The following SORCS1 variants were observed in gnomAD, a reference collection of about 807,000 sequenced individuals.
SORCS1 encodes sortilin related VPS10 domain containing receptor 1, also known as VPS10 domain-containing receptor SorCS1.
In SORCS1, 60 loss-of-function variants were observed where a neutral mutation model predicts 146.1. That is an observed-to-expected ratio of 0.41 (90% confidence interval 0.33 to 0.51). The LOEUF is 0.51. Ranked by LOEUF, SORCS1 falls within the 20% of genes least tolerant of loss-of-function variation. The pLI, the probability that SORCS1 is intolerant of heterozygous loss-of-function variation, is 0.21. For missense variants in SORCS1, 1,352 were observed against 1,487.6 expected, an observed-to-expected ratio of 0.91 and a Z score of 1.50; for synonymous variants, 637 against 584.0, an observed-to-expected ratio of 1.09 and a Z score of -1.31.
At chr10:106,709,814 T>A (rs1854841297) in intron 6 of SORCS1, among the ~76,000 whole-genome samples, 1 of 152,156 alleles carries the variant, frequency 6.6e-6, no homozygotes, top group African/African-American at 2.4e-5. Flanking sequence ...TTGTTATTAT[T>A]ATTTAAATTA....
At chr10:106,724,940 G>C (rs1210574113) in intron 6 of SORCS1, among the ~76,000 whole-genome samples, 10 of 152,184 alleles carry the variant, frequency 6.6e-5, no homozygotes, top group African/African-American at 2.4e-4. Context: ...AGGAGTTTGA[G>C]ATCAGTCTGA....
intron 1 of SORCS1, among the ~76,000 whole-genome samples, chr10:106,965,552 T>C (rs1324818129): frequency 6.6e-6 from 1 of 152,354 alleles, no homozygotes; most frequent in Non-Finnish European, 1.5e-5. Context: ...ATGTCTACTC[T>C]GTGTGCCAGA....
intron 17 of SORCS1, 36 bp from the exon 18 acceptor site, chr10:106,652,589 A>T: frequency 6.3e-7 from 1 of 1,599,998 alleles, no homozygotes; most frequent in East Asian, 2.2e-5. Context: ...AAACCAGCTC[A>T]TTATAATGTG....
At chr10:107,105,807 GA>G (rs1965267687) in intron 1 of SORCS1, among the ~76,000 whole-genome samples, 1 of 152,066 alleles carries the variant, frequency 6.6e-6, no homozygotes. Context: ...ACACACCCAG[GA>G]ACAATACTTT....
chr10:106,884,222 G>C (rs566632014), intron 2 of SORCS1, among the ~76,000 whole-genome samples: 28 of 152,136 alleles, frequency 1.8e-4, no homozygotes, highest in African/African-American at 6.5e-4. Context: ...GAAAATTTAA[G>C]CATTAAATTC....
chr10:106,852,627 CAAAAAAAA>C (rs370300215), intron 2 of SORCS1, among the ~76,000 whole-genome samples: 1 of 85,022 alleles, frequency 1.2e-5, no homozygotes, highest in South Asian at 4.6e-4. Context: ...GACCCTGTCT[CAAAAAAAA>C]AAAAAAAAAA....
At chr10:106,756,932 T>TA (rs1858688479) in intron 5 of SORCS1, among the ~76,000 whole-genome samples, 2 of 152,208 alleles carry the variant, frequency 1.3e-5, no homozygotes, top group Admixed American at 1.3e-4. Context: ...GATTTCCTGC[T>TA]ATATAAACCC....
chr10:107,062,426 T>TTAATTA (rs757047221), intron 1 of SORCS1, among the ~76,000 whole-genome samples: 24 of 151,972 alleles, frequency 1.6e-4, no homozygotes, highest in Non-Finnish European at 2.6e-4. Context: ...TACAGTTACT[T>TTAATTA]TAATTATAAT....
intron 5 of SORCS1, among the ~76,000 whole-genome samples, chr10:106,748,714 G>A (rs1007703225): frequency 6.6e-6 from 1 of 152,240 alleles, no homozygotes. Context: ...GCACTTTGCT[G>A]TCTCTGCTCT....
chr10:106,829,114 G>T (rs1446935183), intron 3 of SORCS1, among the ~76,000 whole-genome samples: 1 of 152,214 alleles, frequency 6.6e-6, no homozygotes, highest in Admixed American at 6.5e-5. Context: ...TTTGTGTGCA[G>T]ACTGAACAAA....
intron 20 of SORCS1, 83 bp downstream of exon 20, chr10:106,620,345 A>G (rs191026176): frequency 2.8e-4 from 424 of 1,535,680 alleles, no homozygotes; most frequent in Non-Finnish European, 3.5e-4. Flanking sequence ...TCTAGGGTTC[A>G]TAAGCCATTT....
chr10:107,020,338 T>C (rs887866242), intron 1 of SORCS1, among the ~76,000 whole-genome samples: 3 of 152,206 alleles, frequency 2.0e-5, no homozygotes, highest in Non-Finnish European at 1.5e-5. Context: ...TAGAATTCTG[T>C]TCAAATCTGA....
intron 3 of SORCS1, among the ~76,000 whole-genome samples, chr10:106,799,564 G>C (rs535804027): frequency 6.6e-6 from 1 of 152,078 alleles, no homozygotes; most frequent in Admixed American, 6.6e-5. Flanking sequence ...TCAAAAAGTG[G>C]GCAAAGGATA....
chr10:106,587,865 T>A (rs967130969), intron 24 of SORCS1, among the ~76,000 whole-genome samples: 1 of 152,166 alleles, frequency 6.6e-6, no homozygotes, highest in Non-Finnish European at 1.5e-5. Flanking sequence ...CATGTTTTTT[T>A]ATTTAACCTG....
intron 4 of SORCS1, among the ~76,000 whole-genome samples, chr10:106,772,396 C>T (rs1267927061): frequency 6.6e-6 from 1 of 152,004 alleles, no homozygotes; most frequent in East Asian, 1.9e-4. Context: ...TTGCAGATGG[C>T]AGATCTTGGG....
At chr10:106,727,414 T>A (rs977001935) in intron 6 of SORCS1, among the ~76,000 whole-genome samples, 6 of 152,318 alleles carry the variant, frequency 3.9e-5, no homozygotes, top group African/African-American at 1.4e-4. Context: ...TATTCACAGT[T>A]GTGTTCACAG....
intron 3 of SORCS1, among the ~76,000 whole-genome samples, chr10:106,817,442 T>C (rs948724682): frequency 2.6e-5 from 4 of 152,150 alleles, no homozygotes; most frequent in Non-Finnish European, 4.4e-5. Flanking sequence ...CACAAATGCT[T>C]GGCTGCTTCT....
intron 1 of SORCS1, among the ~76,000 whole-genome samples, chr10:107,147,770 G>A (rs1230645297): frequency 6.6e-6 from 1 of 151,980 alleles, no homozygotes; most frequent in African/African-American, 2.4e-5. Context: ...GCCAAATACT[G>A]GCATATAAAA....
At chr10:106,857,944 A>G (rs1175910303) in intron 2 of SORCS1, among the ~76,000 whole-genome samples, 1 of 152,220 alleles carries the variant, frequency 6.6e-6, no homozygotes, top group East Asian at 1.9e-4. Flanking sequence ...GCCCCGAAAT[A>G]CGTTTGCCTG....
Sources: gnomAD v4.1 joint callset for allele counts (sites outside exome capture counted in the v4.1 genomes callset) on GRCh38, gnomAD v4.1.1 for gene constraint, MANE v1.5 for transcripts, NCBI Gene and HGNC (gene_info 2026-07-23, HGNC 2026-07-21) for gene names.